The following MORC3 variants were observed in gnomAD, a reference collection of about 807,000 sequenced individuals.
The protein encoded by MORC3 is MORC family CW-type zinc finger protein 3.
A neutral mutation model predicts 109.1 loss-of-function variants in MORC3; 31 were observed. That is an observed-to-expected ratio of 0.28 (90% confidence interval 0.21 to 0.38). The LOEUF (loss-of-function observed/expected upper bound fraction) is 0.38, where lower values mean the gene tolerates loss of function less well. Ranked by LOEUF, MORC3 falls within the 10% of genes least tolerant of loss-of-function variation. The pLI is 1.00. For missense variants in MORC3, 867 were observed against 1,135.8 expected, an observed-to-expected ratio of 0.76 and a Z score of 3.40; for synonymous variants, 395 against 380.7, an observed-to-expected ratio of 1.04 and a Z score of -0.44.
intron 1 of MORC3, among the ~76,000 whole-genome samples, chr21:36,327,161 T>C (rs1194130916): frequency 1.0e-4 from 4 of 38,204 alleles, no homozygotes; most frequent in Non-Finnish European, 6.5e-5. Context: ...ATTTCTTTTT[T>C]TTTTTTTTTT....
At chr21:36,370,629 A>ATTTTTTT (rs2085846639) in intron 15 of MORC3, among the ~76,000 whole-genome samples, 1 of 17,420 alleles carries the variant, frequency 5.7e-5, no homozygotes, top group African/African-American at 2.2e-4. Flanking sequence ...ATATATATAT[A>ATTTTTTT]TATATATATA....
intron 1 of MORC3, among the ~76,000 whole-genome samples, chr21:36,330,891 T>C (rs1040372850): frequency 1.3e-5 from 2 of 152,238 alleles, no homozygotes; most frequent in African/African-American, 4.8e-5. Flanking sequence ...ATGTGTGCTT[T>C]AGAAAGTCTT....
Position 36,344,656 on chromosome 21 carries a change from T to C in MORC3, c.834T>C (p.Val278=), listed in dbSNP as rs1333971805. Residue 278 remains valine, a synonymous_variant, in exon 7 of 17, where the codon GTT becomes GTC. Coordinates refer to ENST00000400485, the MANE Select transcript of MORC3 (RefSeq NM_015358.3). ...LRGQKVKTQL[V]SKSLAYIERD... is the part of the protein sequence containing the mutation. ...GACAGAAAGTGAAGACACAGCTGGT[T>C]TCGAAGAGTCTTGCCTACATCGAAC... The C allele has an allele frequency of 6.2e-7, 1 of 1,614,156 alleles. No individual in the cohort carries two copies. The highest frequency in any genetic ancestry group is 1.7e-5 in the Admixed American group (1 of 60,028).
At chr21:36,338,570 GT>G (rs1371213055) in intron 4 of MORC3, among the ~76,000 whole-genome samples, 1 of 151,514 alleles carries the variant, frequency 6.6e-6, no homozygotes, top group Non-Finnish European at 1.5e-5. Context: ...GGTGCCTGTG[GT>G]CGGTCCCAGC....
At chr21:36,344,826 C>T in intron 7 of MORC3, 86 bp from the exon 8 acceptor site, 2 of 1,598,642 alleles carry the variant, frequency 1.3e-6, no homozygotes, top group Non-Finnish European at 1.7e-6. Context: ...CCTTTGTGTG[C>T]TTTTGGACTT....
In MORC3 at chr21:36,375,392, C is replaced by T; in HGVS notation, c.*96C>T. 1.8e-6 allele frequency: 2 copies of T among 1,130,974 alleles called. No individual in the cohort carries two copies. Among genetic ancestry groups the T allele is most frequent in the Non-Finnish European group, 1.2e-6 (1 of 812,614 alleles). The allele number at this position is 1,130,974 out of a possible 1,614,324, so 70.1% of individuals were successfully genotyped here. ...TTTGTTTTATAGATATGATAGGCAA[C>T]AGACTGAAAACCATAATCTTTACTG... On this transcript the variant is annotated 3_prime_UTR_variant, in exon 17 of 17. Transcript: ENST00000400485.
At chr21:36,373,497 C>T (rs1418430857) in intron 16 of MORC3, among the ~76,000 whole-genome samples, 1 of 151,938 alleles carries the variant, frequency 6.6e-6, no homozygotes, top group African/African-American at 2.4e-5. Flanking sequence ...GTGGTGCACA[C>T]CTGTAACCCC....
intron 5 of MORC3, among the ~76,000 whole-genome samples, chr21:36,340,638 C>CTTTTTTTTTTTTTTTTTTTTTTT: frequency 8.1e-6 from 1 of 123,676 alleles, no homozygotes; most frequent in Non-Finnish European, 1.7e-5. Flanking sequence ...TTCTTTCTTT[C>CTTTTTTTTTTTTTTTTTTTTTTT]TTTTTTTTTT....
At chr21:36,338,329 GAAT>G (rs2085396236) in intron 4 of MORC3, among the ~76,000 whole-genome samples, 1 of 152,082 alleles carries the variant, frequency 6.6e-6, no homozygotes, top group South Asian at 2.1e-4. Flanking sequence ...AGTTAGTTAG[GAAT>G]AATAATCTGC....
At chr21:36,339,146 T>G (rs777137665) in intron 5 of MORC3, 6 of 363,134 alleles carry the variant, frequency 1.7e-5, no homozygotes, top group Non-Finnish European at 2.9e-5. Flanking sequence ...TGAGACGAAG[T>G]CTCACTCTTG....
intron 9 of MORC3, among the ~76,000 whole-genome samples, chr21:36,352,278 A>T (rs561260047): frequency 6.6e-6 from 1 of 152,262 alleles, no homozygotes; most frequent in South Asian, 2.1e-4. Flanking sequence ...ACGGCAAGCT[A>T]CATTACTAAT....
chr21:36,339,731 C>G (rs2085419298), intron 5 of MORC3, among the ~76,000 whole-genome samples: 1 of 152,086 alleles, frequency 6.6e-6, no homozygotes, highest in Non-Finnish European at 1.5e-5. Context: ...ATGTCTAATA[C>G]TGAAAGATCT....
chr21:36,375,298 G>A lies in MORC3; in HGVS notation c.*2G>A, dbSNP rs1324873018. ...ATGAGTGAAATCAGTAGTACTTAAA[G>A]TATATGTTATGTAAGATAAAATATT... On this transcript the variant is annotated 3_prime_UTR_variant, in exon 17 of 17. Coordinates refer to ENST00000400485, the MANE Select transcript of MORC3 (RefSeq NM_015358.3). 13 of 1,605,698 alleles carry A rather than the reference G, an allele frequency of 8.1e-6. No individual in the cohort carries two copies. Among genetic ancestry groups the A allele is most frequent in the South Asian group, 1.1e-5 (1 of 90,168 alleles).
At chr21:36,331,229 G>A (rs2146291829) in intron 1 of MORC3, among the ~76,000 whole-genome samples, 1 of 152,222 alleles carries the variant, frequency 6.6e-6, no homozygotes. Context: ...GAGAGAATCT[G>A]TTCAGAATGA....
At chr21:36,373,604 C>T (rs1601545722) in intron 16 of MORC3, among the ~76,000 whole-genome samples, 1 of 145,802 alleles carries the variant, frequency 6.9e-6, no homozygotes, top group Non-Finnish European at 1.5e-5. Context: ...GCCTTGGCAA[C>T]AAGAGCAAAA....
intron 16 of MORC3, among the ~76,000 whole-genome samples, chr21:36,374,661 G>A (rs2085909090): frequency 6.6e-6 from 1 of 152,142 alleles, no homozygotes; most frequent in South Asian, 2.1e-4. Context: ...CGGGCATGGT[G>A]GTGTGGGCCT....
chr21:36,364,325 T>A, intron 14 of MORC3, 66 bp downstream of exon 14: 2 of 1,494,292 alleles, frequency 1.3e-6, no homozygotes, highest in Non-Finnish European at 1.8e-6. Flanking sequence ...GACACTTCTG[T>A]GACAGTGATG....
At chr21:36,371,891 G>A (rs1209900911) in intron 15 of MORC3, among the ~76,000 whole-genome samples, 6 of 149,116 alleles carry the variant, frequency 4.0e-5, no homozygotes, top group African/African-American at 1.0e-4. Context: ...TCAGCTCACC[G>A]CAACCTCCAC....
chr21:36,349,202 T>C, intron 8 of MORC3, 109 bp from the exon 9 acceptor site: 1 of 718,938 alleles, frequency 1.4e-6, no homozygotes, highest in Non-Finnish European at 2.3e-6. Flanking sequence ...GTGATGAGAA[T>C]CATACAAGAT....
Sources: gnomAD v4.1 joint callset for allele counts (sites outside exome capture counted in the v4.1 genomes callset) on GRCh38, gnomAD v4.1.1 for gene constraint, MANE v1.5 for transcripts, NCBI Gene and HGNC (gene_info 2026-07-23, HGNC 2026-07-21) for gene names.